The following CFAP299 variants were observed in gnomAD, a reference collection of about 807,000 sequenced individuals.
The protein encoded by CFAP299 is cilia and flagella associated protein 299, also known as cilia- and flagella-associated protein 299.
Under a neutral mutation model 27.0 loss-of-function variants are expected in CFAP299, and 21 were observed. The ratio of observed to expected loss-of-function variants is 0.78; its 90% CI spans 0.55 to 1.12. CFAP299 has a LOEUF of 1.12. Among genes scored for constraint, CFAP299 ranks in the 50% most tolerant of loss-of-function variants. The probability of loss-of-function intolerance (pLI) is 0.00; values close to 1 mark genes in which losing one functional copy is unlikely to be tolerated. For synonymous variants in CFAP299, 104 were observed against 98.1 expected, an observed-to-expected ratio of 1.06 and a Z score of -0.36; for missense variants, 310 against 276.6, an observed-to-expected ratio of 1.12 and a Z score of -0.86.
intron 4 of CFAP299, 66 bp downstream of exon 4, chr4:80,870,201 A>G (rs890478448): frequency 1.0e-5 from 15 of 1,497,460 alleles, no homozygotes; most frequent in African/African-American, 4.2e-5. Flanking sequence ...TATGGTCTAC[A>G]TTGTGCCTAA....
At chr4:80,335,952 G>A (rs1390443203) in intron 1 of CFAP299, 73 bp downstream of exon 1, 3 of 963,244 alleles carry the variant, frequency 3.1e-6, no homozygotes, top group Non-Finnish European at 3.4e-6. Flanking sequence ...CGCTTCGTGG[G>A]CTGGTCGCCC....
At chr4:80,496,239 C>A (rs1482845575) in intron 2 of CFAP299, among the ~76,000 whole-genome samples, 1 of 152,184 alleles carries the variant, frequency 6.6e-6, no homozygotes, top group East Asian at 1.9e-4. Flanking sequence ...TAAGTTCCAA[C>A]TTTAACTCAT....
intron 3 of CFAP299, among the ~76,000 whole-genome samples, chr4:80,836,844 G>A (rs1418316377): frequency 4.0e-5 from 6 of 151,748 alleles, no homozygotes; most frequent in African/African-American, 1.5e-4. Context: ...GAAAACAAAC[G>A]ACTTTTTGAT....
intron 2 of CFAP299, among the ~76,000 whole-genome samples, chr4:80,525,657 G>A (rs992333418): frequency 7.9e-5 from 12 of 152,076 alleles, no homozygotes; most frequent in Admixed American, 3.3e-4. Context: ...CCCCGGTCTC[G>A]ACCCTTGACT....
At chr4:80,362,099 G>A (rs1278360436) in intron 1 of CFAP299, among the ~76,000 whole-genome samples, 1 of 140,576 alleles carries the variant, frequency 7.1e-6, no homozygotes, top group Non-Finnish European at 1.5e-5. Flanking sequence ...AAAAGTGTAA[G>A]GCCTAAAATA....
chr4:80,902,586 T>TATATATATACACAC (rs370673737), intron 4 of CFAP299, among the ~76,000 whole-genome samples: 1 of 126,674 alleles, frequency 7.9e-6, no homozygotes, highest in African/African-American at 3.0e-5. Flanking sequence ...ATGTAATATA[T>TATATATATACACAC]ACACACACAC....
chr4:80,441,298 C>T (rs917304672), intron 2 of CFAP299, among the ~76,000 whole-genome samples: 4 of 152,092 alleles, frequency 2.6e-5, no homozygotes, highest in Admixed American at 6.5e-5. Flanking sequence ...TTAAGGGCAG[C>T]CAGAGAGGAA....
intron 2 of CFAP299, among the ~76,000 whole-genome samples, chr4:80,463,927 G>A (rs1578474545): frequency 2.0e-5 from 3 of 152,050 alleles, no homozygotes; most frequent in African/African-American, 7.2e-5. Flanking sequence ...AACTGGACCC[G>A]CTCTTCATTA....
At chr4:80,501,158 G>T (rs1310421201) in intron 2 of CFAP299, among the ~76,000 whole-genome samples, 1 of 151,958 alleles carries the variant, frequency 6.6e-6, no homozygotes, top group African/African-American at 2.4e-5. Flanking sequence ...GGTAACTTGA[G>T]TACTCATAAC....
chr4:80,664,290 C>T (rs1741025233), intron 3 of CFAP299, among the ~76,000 whole-genome samples: 1 of 152,156 alleles, frequency 6.6e-6, no homozygotes, highest in Admixed American at 6.6e-5. Flanking sequence ...CCATTGCTCT[C>T]TTCAGATCCA....
intron 4 of CFAP299, among the ~76,000 whole-genome samples, chr4:80,918,665 A>G (rs902237450): frequency 6.6e-6 from 1 of 152,158 alleles, no homozygotes; most frequent in African/African-American, 2.4e-5. Flanking sequence ...ATAAATTCTA[A>G]TATTTGTTGC....
At chr4:80,663,882 A>G (rs1740998125) in intron 3 of CFAP299, among the ~76,000 whole-genome samples, 2 of 152,000 alleles carry the variant, frequency 1.3e-5, no homozygotes, top group Non-Finnish European at 2.9e-5. Context: ...TTCTCTAATG[A>G]CCTGTAATTA....
intron 3 of CFAP299, among the ~76,000 whole-genome samples, chr4:80,672,981 T>TG: frequency 6.6e-6 from 1 of 152,206 alleles, no homozygotes; most frequent in South Asian, 2.1e-4. Flanking sequence ...ATTGATTTTT[T>TG]GAAGGGTTTT....
chr4:80,527,912 T>C (rs1733269467), intron 2 of CFAP299, among the ~76,000 whole-genome samples: 1 of 152,140 alleles, frequency 6.6e-6, no homozygotes. Context: ...ATTTTCCTGG[T>C]TGACAAATGA....
chr4:80,875,118 A>G (rs913706786), intron 4 of CFAP299, among the ~76,000 whole-genome samples: 1 of 151,930 alleles, frequency 6.6e-6, no homozygotes, highest in African/African-American at 2.4e-5. Context: ...ATTAAGCAAC[A>G]CTCTTCTGGT....
chr4:80,801,170 G>T (rs1367358509), intron 3 of CFAP299, among the ~76,000 whole-genome samples: 1 of 150,484 alleles, frequency 6.6e-6, no homozygotes, highest in Non-Finnish European at 1.5e-5. Flanking sequence ...ACTCAGTACT[G>T]ACCATCACAC....
chr4:80,929,490 C>T (rs773870483), intron 4 of CFAP299, among the ~76,000 whole-genome samples: 1 of 152,026 alleles, frequency 6.6e-6, no homozygotes, highest in Non-Finnish European at 1.5e-5. Context: ...GGTACCCATC[C>T]AGTCTCTGAA....
At chr4:80,488,622 A>C (rs887108600) in intron 2 of CFAP299, among the ~76,000 whole-genome samples, 1 of 152,042 alleles carries the variant, frequency 6.6e-6, no homozygotes, top group East Asian at 1.9e-4. Context: ...TAAAGGCACC[A>C]GCCACCACAC....
At chr4:80,788,196 C>G (rs1409070403) in intron 3 of CFAP299, among the ~76,000 whole-genome samples, 3 of 151,996 alleles carry the variant, frequency 2.0e-5, no homozygotes, top group Non-Finnish European at 2.9e-5. Context: ...TTCCCCAACT[C>G]AAATGTGAAC....
Sources: gnomAD v4.1 joint callset for allele counts (sites outside exome capture counted in the v4.1 genomes callset) on GRCh38, gnomAD v4.1.1 for gene constraint, MANE v1.5 for transcripts, NCBI Gene and HGNC (gene_info 2026-07-23, HGNC 2026-07-21) for gene names.